Variants in COL14A1 observed in about 807,000 individuals in gnomAD.
COL14A1 encodes the protein collagen type XIV alpha 1 chain, also known as collagen alpha-1(XIV) chain.
Under a neutral mutation model 230.3 loss-of-function variants are expected in COL14A1, and 136 were observed. The observed-to-expected ratio is 0.59, with a 90% confidence interval of 0.51 to 0.68. The LOEUF (loss-of-function observed/expected upper bound fraction) is 0.68. Ranked by LOEUF, COL14A1 falls within the 30% of genes least tolerant of loss-of-function variation. The pLI is 0.00. For synonymous variants in COL14A1, 792 were observed against 784.1 expected (o/e 1.01, Z -0.17); for missense variants, 1,976 against 2,215.8 (o/e 0.89, Z 2.17).
At chr8:120,223,411 T>C (rs1475207375) in intron 14 of COL14A1, among the ~76,000 whole-genome samples, 2 of 152,146 alleles carry the variant, frequency 1.3e-5, no homozygotes, top group Non-Finnish European at 2.9e-5. Context: ...GGCTCACGCT[T>C]GTAATCCCAG....
intron 31 of COL14A1, among the ~76,000 whole-genome samples, chr8:120,281,966 T>C (rs551643817): frequency 6.6e-6 from 1 of 152,328 alleles, no homozygotes; most frequent in African/African-American, 2.4e-5. Flanking sequence ...CTTGTTTCTT[T>C]TTTTTTATTA....
At chr8:120,197,737 C>T (rs1817086902) in intron 6 of COL14A1, 74 bp from the exon 7 acceptor site, 5 of 1,502,294 alleles carry the variant, frequency 3.3e-6, no homozygotes, top group Admixed American at 2.0e-5. Flanking sequence ...TTCGTCATTC[C>T]AGTTTCTTGA....
intron 5 of COL14A1, among the ~76,000 whole-genome samples, chr8:120,193,505 C>A (rs1166296364): frequency 6.6e-6 from 1 of 152,184 alleles, no homozygotes. Context: ...CGGTCAGGGA[C>A]CCACTTGAGG....
chr8:120,233,225 C>T (rs868846192), intron 19 of COL14A1, among the ~76,000 whole-genome samples: 2 of 152,030 alleles, frequency 1.3e-5, no homozygotes, highest in Admixed American at 6.6e-5. Context: ...GTTGCCTGTT[C>T]ACTCTGATGA....
In COL14A1 at chr8:120,248,267, A is replaced by G. The variant is rs138978312; in HGVS notation, c.2602+532A>G. On this transcript the variant is annotated intron_variant, in intron 21 of 47. Coordinates refer to ENST00000297848, the MANE Select transcript of COL14A1 (RefSeq NM_021110.4). ...TTCCACCAGTCTCTTAGCCACCTCC[A>G]TAAGAGGATCCCTCTCGCCTCTACC... Among the ~76,000 whole-genome samples, 186 of 152,132 alleles carry G rather than the reference A, an allele frequency of 1.2e-3. 1 individual carries two copies. The highest frequency in any genetic ancestry group is 6.8e-3 in the East Asian group (35 of 5,154).
At chr8:120,226,481 C>T (rs1818098229) in intron 15 of COL14A1, 146 bp from the exon 16 acceptor site, 1 of 659,938 alleles carries the variant, frequency 1.5e-6, no homozygotes, top group African/African-American at 1.8e-5. Flanking sequence ...CCACCCTGGA[C>T]TGATGGGCCC....
chr8:120,130,019 A>T (rs1814476681), intron 1 of COL14A1, among the ~76,000 whole-genome samples: 1 of 152,226 alleles, frequency 6.6e-6, no homozygotes, highest in Non-Finnish European at 1.5e-5. Flanking sequence ...GATGCAGTTC[A>T]TCAGAGGCCT....
chr8:120,215,938 T>C (rs534766832), intron 13 of COL14A1, among the ~76,000 whole-genome samples: 2 of 152,328 alleles, frequency 1.3e-5, no homozygotes, highest in East Asian at 3.9e-4. Context: ...GCATCTCATT[T>C]TACATGTGGA....
intron 14 of COL14A1, 72 bp from the exon 15 acceptor site, chr8:120,225,016 A>G (rs1053208788): frequency 4.9e-6 from 7 of 1,437,490 alleles, no homozygotes; most frequent in Non-Finnish European, 6.6e-6. Context: ...TAAGCGAGCT[A>G]CAGACAATAA....
chr8:120,287,704 C>G (rs919406185), intron 33 of COL14A1, among the ~76,000 whole-genome samples: 12 of 151,906 alleles, frequency 7.9e-5, no homozygotes, highest in Middle Eastern at 3.4e-3. Flanking sequence ...GTTAATAAAG[C>G]CAAAAAGCCA....
intron 1 of COL14A1, among the ~76,000 whole-genome samples, chr8:120,141,254 G>A (rs1292197687): frequency 6.6e-6 from 1 of 152,126 alleles, no homozygotes; most frequent in East Asian, 1.9e-4. Context: ...AACTAAAGAA[G>A]AATTTATGCT....
intron 35 of COL14A1, among the ~76,000 whole-genome samples, chr8:120,299,233 A>G (rs778180498): frequency 5.9e-5 from 9 of 152,092 alleles, no homozygotes; most frequent in Non-Finnish European, 1.2e-4. Flanking sequence ...TACCGTATCA[A>G]AAAGCCAAAC....
intron 19 of COL14A1, among the ~76,000 whole-genome samples, chr8:120,233,622 G>A (rs1818348474): frequency 6.6e-6 from 1 of 152,042 alleles, no homozygotes; most frequent in African/African-American, 2.4e-5. Flanking sequence ...ACAGATAGAT[G>A]GTTGCAGATG....
At chr8:120,161,021 T>A (rs780129089) in intron 3 of COL14A1, among the ~76,000 whole-genome samples, 5 of 152,130 alleles carry the variant, frequency 3.3e-5, no homozygotes, top group Non-Finnish European at 7.4e-5. Flanking sequence ...ACACACATTG[T>A]GAAAGATATA....
chr8:120,168,185 A>T lies in COL14A1; in HGVS notation c.374A>T (p.Asp125Val), dbSNP rs763214078. 8 of 1,612,502 alleles carry T rather than the reference A, an allele frequency of 5.0e-6. No individual in the cohort carries two copies. Among genetic ancestry groups the T allele is most frequent in the Admixed American group, 3.3e-5 (2 of 59,890 alleles). ...FRIKDLEKRK[D>V]PKPRVKVVDR... ...GTTAAAGATTTAGAAAAAAGAAAGG[A>T]TCCAAAGCCCAGAGTCAAAGTTGTG... The change falls in exon 5 of 48, where the codon GAT becomes GTT. Residue 125 changes from aspartate to valine, a missense_variant. Physicochemically the swap from Asp to Val is radical, Grantham distance 152 (BLOSUM62 -3). Coordinates refer to ENST00000297848, the MANE Select transcript of COL14A1 (RefSeq NM_021110.4).
At chr8:120,254,851 A>T (rs1190158176) in intron 22 of COL14A1, among the ~76,000 whole-genome samples, 1 of 149,178 alleles carries the variant, frequency 6.7e-6, no homozygotes, top group African/African-American at 2.5e-5. Flanking sequence ...AATTAGCTGC[A>T]TGTGGTGGCA....
chr8:120,324,729 G>T (rs564507382), intron 40 of COL14A1, among the ~76,000 whole-genome samples: 159 of 152,258 alleles, frequency 1.0e-3, no homozygotes, highest in African/African-American at 3.7e-3. Flanking sequence ...GAATCTTAAG[G>T]TTAGTATCAT....
chr8:120,326,490 T>TA (rs1821673966), intron 40 of COL14A1, among the ~76,000 whole-genome samples: 3 of 152,124 alleles, frequency 2.0e-5, no homozygotes, highest in African/African-American at 4.8e-5. Context: ...GACTTGCAAA[T>TA]AAAAAATCTT....
At chr8:120,287,518 G>A (rs73329052) in intron 33 of COL14A1, among the ~76,000 whole-genome samples, 3,155 of 152,254 alleles carry the variant, frequency 0.021, 115 homozygotes, top group African/African-American at 0.072. Context: ...CATGGTTTAG[G>A]CATGAACTTG....
Sources: allele counts gnomAD v4.1 joint callset (sites outside exome capture counted in the v4.1 genomes callset), GRCh38; gene constraint gnomAD v4.1.1; transcripts MANE v1.5; gene names NCBI Gene and HGNC (gene_info 2026-07-23, HGNC 2026-07-21).